LRRIQ4: variants seen among roughly 807,000 people sequenced by gnomAD.
LRRIQ4 encodes leucine-rich repeat and IQ domain-containing protein 4.
Under a neutral mutation model 40.1 loss-of-function variants are expected in LRRIQ4, and 21 were observed. The observed-to-expected ratio is 0.52, with a 90% CI of 0.37 to 0.75. The LOEUF (loss-of-function observed/expected upper bound fraction) is 0.75, where lower values mean the gene tolerates loss of function less well. Ranked by LOEUF, LRRIQ4 falls within the 30% of genes least tolerant of loss-of-function variation. The probability of loss-of-function intolerance (pLI) is 0.00; values close to 1 mark genes in which losing one functional copy is unlikely to be tolerated. For synonymous variants in LRRIQ4, 277 were observed against 277.1 expected (o/e 1.00, Z 0.00); for missense variants, 655 against 660.0 (o/e 0.99, Z 0.08).
intron 2 of LRRIQ4, among the ~76,000 whole-genome samples, chr3:169,828,550 G>C (rs1780092816): frequency 6.6e-6 from 1 of 152,154 alleles, no homozygotes; most frequent in South Asian, 2.1e-4. Flanking sequence ...AATTGCTCCA[G>C]TTTAAAGTGG....
Position 169,833,022 on chromosome 3 carries a change from A to G in LRRIQ4, c.1369A>G (p.Thr457Ala), listed in dbSNP as rs1483352788. The G allele has an allele frequency of 1.9e-6, 3 of 1,612,866 alleles. No individual in the cohort carries two copies. The highest frequency in any genetic ancestry group is 3.3e-5 in the Admixed American group (2 of 59,748). The change falls in exon 5 of 6, where the codon ACC (threonine) becomes GCC (alanine). Residue 457 changes from threonine (T) to alanine (A), a missense_variant. Thr to Ala is a moderately conservative substitution (Grantham distance 58). Coordinates refer to ENST00000340806, the MANE Select transcript of LRRIQ4 (RefSeq NM_001080460.3). ...KELRLEDNLLTHLPENLDSLV... is the reference protein window; with the variant it reads ...KELRLEDNLLAHLPENLDSLV... ...ATTACGGCTGGAGGACAACTTGCTC[A>G]CCCATCTTCCAGAGAATTTGGATTC...
Position 169,837,679 on chromosome 3 carries a change from G to C in LRRIQ4, c.*48G>C, listed in dbSNP as rs1780341138. On this transcript the variant is annotated 3_prime_UTR_variant, in exon 6 of 6. Transcript: ENST00000340806. ...GTAATGGACCTTGATAGATTAAGAA[G>C]ACAAAATATCTAGGAATTAGATGCC... 1 of 1,421,140 alleles carries C rather than the reference G, an allele frequency of 7.0e-7. No homozygotes were observed. Among genetic ancestry groups the C allele is most frequent in the Non-Finnish European group, 9.4e-7 (1 of 1,063,510 alleles). 88.0% of individuals were successfully genotyped at this position (1,421,140 alleles called of 1,614,324 possible). A position where few individuals can be genotyped will look rare whatever the true frequency, so the allele number is the denominator to read the frequency against.
At chr3:169,829,035 A>G (rs1780106210) in intron 3 of LRRIQ4, 103 bp downstream of exon 3, 2 of 1,030,230 alleles carry the variant, frequency 1.9e-6, no homozygotes, top group African/African-American at 1.6e-5. Flanking sequence ...ATGTAGAATC[A>G]TCCATACTAG....
Position 169,822,923 on chromosome 3 carries a change from T to A in LRRIQ4, c.1002T>A (p.Asp334Glu), listed in dbSNP as rs201274718. 1.2e-4 allele frequency: 190 copies of A among 1,542,606 alleles called. No homozygotes were observed. The highest frequency in any genetic ancestry group is 1.4e-4 in the Non-Finnish European group (164 of 1,147,310). Reference protein sequence around the residue: ...ALKNLEVLGLDDNKIGQLPSE... With the variant: ...ALKNLEVLGLEDNKIGQLPSE... ...AGAACCTTGAAGTCCTGGGACTGGA[T>A]GACAATAAAATAGGACAGGTACGGA... The change falls in exon 2 of 6, where the codon GAT (aspartate) becomes GAA (glutamate). Residue 334 changes from aspartate (D) to glutamate (E), a missense_variant. Asp to Glu is a conservative substitution (Grantham distance 45). Transcript: ENST00000340806.
chr3:169,813,064 G>A lies in LRRIQ4; in HGVS notation c.-32+18G>A, dbSNP rs949081729. On this transcript the variant is annotated intron_variant, in intron 1 of 5. Coordinates refer to ENST00000340806, the MANE Select transcript of LRRIQ4 (RefSeq NM_001080460.3). ...ATGCGCAGGTACTTGAATGTACTCA[G>A]ATCAGTACAGACAGCGGGGAGGCGG... is the stretch of plus-strand genomic sequence containing the variant. 6.5e-6 allele frequency: 1 copy of A among 153,830 alleles called. No individual in the cohort carries two copies. The highest frequency in any genetic ancestry group is 2.4e-5 in the African/African-American group (1 of 41,480). 9.5% of individuals were successfully genotyped at this position (153,830 alleles called of 1,614,324 possible). A position where few individuals can be genotyped will look rare whatever the true frequency, so the allele number is the denominator to read the frequency against.
chr3:169,835,109 G>T (rs1382284643), intron 5 of LRRIQ4, among the ~76,000 whole-genome samples: 1 of 152,122 alleles, frequency 6.6e-6, no homozygotes, highest in Non-Finnish European at 1.5e-5. Context: ...ACGTAGATGA[G>T]TTAAAGAGAA....
rs1780096520 is a variant in LRRIQ4 at position 169,828,749 on chromosome 3, A to G, written c.1021-10A>G. The G allele has an allele frequency of 5.0e-6, 8 of 1,600,834 alleles. No individual in the cohort carries two copies. The highest frequency in any genetic ancestry group is 1.7e-4 in the Middle Eastern group (1 of 6,046). On this transcript the variant is annotated splice_polypyrimidine_tract_variant and intron_variant, in intron 2 of 5. Coordinates refer to ENST00000340806, the MANE Select transcript of LRRIQ4 (RefSeq NM_001080460.3). ...TTGACCTGAAACTTATCTTTTTGGA[A>G]TACTTCTAGTTACCTTCAGAATTGG...
intron 5 of LRRIQ4, among the ~76,000 whole-genome samples, chr3:169,835,726 T>C (rs1489941981): frequency 6.6e-6 from 1 of 152,168 alleles, no homozygotes; most frequent in Non-Finnish European, 1.5e-5. Context: ...TGGATCCCGA[T>C]TGGTCTGCTG....
intron 1 of LRRIQ4, among the ~76,000 whole-genome samples, chr3:169,820,420 T>C (rs568933988): frequency 6.6e-6 from 1 of 151,876 alleles, no homozygotes; most frequent in South Asian, 2.1e-4. Context: ...TGCATTTTCA[T>C]ATAAATTTTA....
At chr3:169,837,373 A>G in intron 5 of LRRIQ4, 106 bp from the exon 6 acceptor site, 6 of 1,159,432 alleles carry the variant, frequency 5.2e-6, no homozygotes, top group Non-Finnish European at 5.9e-6. Context: ...ATCACATCCC[A>G]TTCTCTCCAC....
intron 1 of LRRIQ4, among the ~76,000 whole-genome samples, chr3:169,819,831 G>A (rs1779841367): frequency 6.6e-6 from 1 of 152,200 alleles, no homozygotes; most frequent in Admixed American, 6.5e-5. Flanking sequence ...ATACTGTGGA[G>A]AATTTTCAGA....
chr3:169,831,138 CT>C (rs1415274551), intron 4 of LRRIQ4, among the ~76,000 whole-genome samples: 2 of 151,630 alleles, frequency 1.3e-5, no homozygotes, highest in East Asian at 3.9e-4. Context: ...CATTCTTTGT[CT>C]GTACATTCAT....
chr3:169,814,146 T>C (rs1779705837), intron 1 of LRRIQ4, among the ~76,000 whole-genome samples: 1 of 152,042 alleles, frequency 6.6e-6, no homozygotes, highest in African/African-American at 2.4e-5. Context: ...GATCACACAG[T>C]GGGCTTGGAG....
chr3:169,819,506 C>T (rs773299690), intron 1 of LRRIQ4, among the ~76,000 whole-genome samples: 8 of 152,114 alleles, frequency 5.3e-5, no homozygotes, highest in Non-Finnish European at 8.8e-5. Flanking sequence ...TAATGCTGCA[C>T]AATAAAATCA....
intron 1 of LRRIQ4, among the ~76,000 whole-genome samples, chr3:169,819,958 A>G (rs1258271849): frequency 1.3e-5 from 2 of 152,190 alleles, no homozygotes; most frequent in Non-Finnish European, 2.9e-5. Context: ...TTTAAACAAA[A>G]TCAGTGTTAA....
chr3:169,837,002 C>T (rs946232697), intron 5 of LRRIQ4, among the ~76,000 whole-genome samples: 12 of 151,952 alleles, frequency 7.9e-5, no homozygotes, highest in Admixed American at 7.2e-4. Context: ...AAGGGTGTTG[C>T]TGGGTAGGTA....
chr3:169,824,536 T>C (rs1460151278), intron 2 of LRRIQ4, among the ~76,000 whole-genome samples: 1 of 152,026 alleles, frequency 6.6e-6, no homozygotes, highest in East Asian at 1.9e-4. Context: ...TGAGATGGAG[T>C]CTCACTCACT....
In LRRIQ4 at chr3:169,822,673, A is replaced by G. The variant is rs1249190306; in HGVS notation, c.752A>G (p.Lys251Arg). ...LSHNLLHSIP[K>R]SFAELRKMTE... ...CACAACCTCCTCCACTCCATCCCGA[A>G]GAGCTTCGCCGAGCTCAGGAAGATG... Residue 251 changes from lysine (K) to arginine (R), a missense_variant, in exon 2 of 6, where the codon AAG becomes AGG. By Grantham distance (26) the Lys-to-Arg change is conservative (BLOSUM62 2). Coordinates refer to ENST00000340806, the MANE Select transcript of LRRIQ4 (RefSeq NM_001080460.3). The G allele has an allele frequency of 1.2e-6, 2 of 1,613,956 alleles. No individual in the cohort carries two copies. Among genetic ancestry groups the G allele is most frequent in the South Asian group, 2.2e-5 (2 of 91,088 alleles).
intron 2 of LRRIQ4, among the ~76,000 whole-genome samples, chr3:169,824,256 C>T (rs1363641817): frequency 6.6e-6 from 1 of 152,048 alleles, no homozygotes; most frequent in East Asian, 1.9e-4. Context: ...GTGGCTCACT[C>T]CTCTAATCCC....
Sources: allele counts gnomAD v4.1 joint callset (sites outside exome capture counted in the v4.1 genomes callset), GRCh38; gene constraint gnomAD v4.1.1; transcripts MANE v1.5; gene names NCBI Gene and HGNC (gene_info 2026-07-23, HGNC 2026-07-21).